COA1: variants seen among roughly 807,000 people sequenced by gnomAD.
The protein encoded by COA1 is cytochrome c oxidase assembly factor 1 homolog.
In COA1, 13 loss-of-function variants were observed where a neutral mutation model predicts 16.0. The ratio of observed to expected loss-of-function variants is 0.81; its 90% CI spans 0.53 to 1.29. COA1 has a LOEUF of 1.29. Among genes scored for constraint, COA1 ranks in the 50% most tolerant of loss-of-function variants. The pLI is 0.00. For missense variants in COA1, 179 were observed against 177.0 expected (o/e 1.01, Z -0.06); for synonymous variants, 65 against 65.7 (o/e 0.99, Z 0.05).
At chr7:43,683,377 A>C (rs914459161) in intron 1 of COA1, among the ~76,000 whole-genome samples, 4 of 152,152 alleles carry the variant, frequency 2.6e-5, no homozygotes, top group Non-Finnish European at 1.5e-5. Context: ...TCACGCCTGT[A>C]ATCGCAGCAC....
At chr7:43,645,443 A>T in intron 3 of COA1, 44 bp from the exon 4 acceptor site, 1 of 1,574,396 alleles carries the variant, frequency 6.4e-7, no homozygotes, top group Non-Finnish European at 8.7e-7. Flanking sequence ...GAACTTGGTC[A>T]GGTAGAATCT....
At chr7:43,640,154 T>A (rs998661061) in intron 5 of COA1, among the ~76,000 whole-genome samples, 1 of 152,216 alleles carries the variant, frequency 6.6e-6, no homozygotes, top group East Asian at 1.9e-4. Context: ...GATGTAGCTA[T>A]TGGCAACCAG....
chr7:43,617,643 C>T (rs947131549), intron 6 of COA1, among the ~76,000 whole-genome samples: 1 of 152,022 alleles, frequency 6.6e-6, no homozygotes, highest in Non-Finnish European at 1.5e-5. Context: ...ATTTGAGGTA[C>T]CTTTGAGACA....
At position 43,647,574 on chromosome 7, in the gene COA1, A is replaced by G. The variant is rs781176741; in HGVS notation, c.76T>C (p.Tyr26His). Residue 26 changes from tyrosine to histidine, a missense_variant, in exon 3 of 6, where the codon TAT (tyrosine) becomes CAT (histidine). Tyr to His is a moderately conservative substitution (Grantham distance 83). Coordinates refer to ENST00000223336, the MANE Select transcript of COA1 (RefSeq NM_018224.4). Reference sequence around the variant, plus strand: ...TACACAATGGCAAAGCCCCCGGCATAGAACACACCGTGGAAAAGGATCCTT... The same window carrying G: ...TACACAATGGCAAAGCCCCCGGCATGGAACACACCGTGGAAAAGGATCCTT... The part of the protein sequence containing the change: ...GARILFHGVF[Y>H]AGGFAIVYYL... 6.2e-7 allele frequency: 1 copy of G among 1,614,152 alleles called. No individual in the cohort carries two copies. Among genetic ancestry groups the G allele is most frequent in the Non-Finnish European group, 8.5e-7 (1 of 1,179,948 alleles).
rs191744528 is a variant in COA1 at position 43,726,383 on chromosome 7, G to A, written c.-39+3046C>T. Among the ~76,000 whole-genome samples the A allele has an allele frequency of 2.7e-3, 417 of 152,240 alleles. 1 individual carries two copies. The highest frequency in any genetic ancestry group is 9.3e-3 in the African/African-American group (387 of 41,516). On this transcript the variant is annotated intron_variant, in intron 1 of 5. Transcript: ENST00000223336. ...AATATCCTAAACTATTAGCCAGAAG[G>A]CTTTTAGAGGCAAAGTCCTGACTAC... is the stretch of plus-strand genomic sequence containing the variant.
At chr7:43,664,252 ATTACAGGC>A (rs1290383634) in intron 1 of COA1, among the ~76,000 whole-genome samples, 1 of 152,080 alleles carries the variant, frequency 6.6e-6, no homozygotes, top group Non-Finnish European at 1.5e-5. Flanking sequence ...AGTGGCTGGG[ATTACAGGC>A]ATGCAACACC....
At position 43,651,427 on chromosome 7, in the gene COA1, T is replaced by A. The variant is rs138040479; in HGVS notation, c.-38-2775A>T. Among the ~76,000 whole-genome samples, 1,367 of 152,290 alleles carry A rather than the reference T, an allele frequency of 9.0e-3. 14 individuals carry two copies. Among genetic ancestry groups the A allele is most frequent in the African/African-American group, 0.031 (1,303 of 41,552 alleles). ...TTGGCCTCCAAAGGCAAATAGTTTA[T>A]AAACCTTTTCCAAAGTACTAAACCC... On this transcript the variant is annotated intron_variant, in intron 1 of 5. Coordinates refer to ENST00000223336, the MANE Select transcript of COA1 (RefSeq NM_018224.4).
At chr7:43,610,864 C>G (rs1188242957) in intron 6 of COA1, among the ~76,000 whole-genome samples, 2 of 152,220 alleles carry the variant, frequency 1.3e-5, no homozygotes, top group African/African-American at 2.4e-5. Flanking sequence ...TGCCTGTAAT[C>G]CCAGCACTTT....
At position 43,640,577 on chromosome 7, in the gene COA1, G is replaced by T. The variant is rs1280419138; in HGVS notation, c.337C>A (p.Gln113Lys). ...GCCGTCACCTTCCCAGGATACCTCT[G>T]AAAGGGGCCACCTCTGGATGAGTGG... ...YVHSSRGGPFQRWHLDEVFLE... is the reference protein window; with the variant it reads ...YVHSSRGGPFKRWHLDEVFLE... The change falls in exon 5 of 6, where the codon CAG becomes AAG. Residue 113 changes from glutamine (Q) to lysine (K), a missense_variant. Physicochemically the swap from Gln to Lys is moderately conservative, Grantham distance 53 (BLOSUM62 1). Transcript: ENST00000223336. 2.5e-6 allele frequency: 4 copies of T among 1,604,042 alleles called. No individual in the cohort carries two copies. The African/African-American group carries it at 5.4e-5, about 22-fold the overall frequency.
At chr7:43,718,377 T>C (rs1259460252) in intron 1 of COA1, among the ~76,000 whole-genome samples, 2 of 152,250 alleles carry the variant, frequency 1.3e-5, no homozygotes, top group African/African-American at 4.8e-5. Context: ...CAGCATGTCC[T>C]GCTCTTGCTT....
chr7:43,692,944 G>T (rs1442187647), intron 1 of COA1, among the ~76,000 whole-genome samples: 1 of 152,056 alleles, frequency 6.6e-6, no homozygotes, highest in East Asian at 1.9e-4. Context: ...ATAATCACCT[G>T]GGAGTTTTTT....
In COA1 at chr7:43,700,527, C is replaced by CATATATAT. The variant is rs371169314; in HGVS notation, c.-39+28901_-39+28902insATATATAT. Among the ~76,000 whole-genome samples, 1,009 of 139,168 alleles carry CATATATAT rather than the reference C, an allele frequency of 7.3e-3. 9 individuals carry two copies. Among genetic ancestry groups the CATATATAT allele is most frequent in the Admixed American group, 0.015 (206 of 13,958 alleles). 91.3% of individuals were successfully genotyped at this position (139,168 alleles called of 152,430 possible). ...TAATCAGCTTTTATAAAAATGTAGGCAGATATATATATATATATATACATA... is the reference window on the plus strand; with the variant it reads ...TAATCAGCTTTTATAAAAATGTAGGCATATATATAGATATATATATATATATATACATA... On this transcript the variant is annotated intron_variant, in intron 1 of 5. Coordinates refer to ENST00000223336, the MANE Select transcript of COA1 (RefSeq NM_018224.4).
At chr7:43,682,979 G>A (rs1265951278) in intron 1 of COA1, among the ~76,000 whole-genome samples, 1 of 152,154 alleles carries the variant, frequency 6.6e-6, no homozygotes, top group East Asian at 1.9e-4. Flanking sequence ...CTCCTGAATA[G>A]CTGGGTTTAC....
In COA1 at chr7:43,647,568, C is replaced by G; in HGVS notation, c.82G>C (p.Gly28Arg). The G allele has an allele frequency of 2.5e-6, 4 of 1,613,942 alleles. No individual in the cohort carries two copies. The highest frequency in any genetic ancestry group is 3.4e-6 in the Non-Finnish European group (4 of 1,179,792). ...AGGTAATACACAATGGCAAAGCCCC[C>G]GGCATAGAACACACCGTGGAAAAGG... ...RILFHGVFYA[G>R]GFAIVYYLIQ... Residue 28 changes from glycine (G) to arginine (R), a missense_variant, in exon 3 of 6, where the codon GGG becomes CGG. Transcript: ENST00000223336.
intron 6 of COA1, among the ~76,000 whole-genome samples, chr7:43,627,954 A>T (rs1001381191): frequency 2.0e-5 from 3 of 152,188 alleles, no homozygotes; most frequent in Non-Finnish European, 2.9e-5. Context: ...GTCGATGCTT[A>T]TATCAGCAGT....
intron 6 of COA1, among the ~76,000 whole-genome samples, chr7:43,614,194 T>C: frequency 6.6e-6 from 1 of 152,296 alleles, no homozygotes; most frequent in African/African-American, 2.4e-5. Flanking sequence ...TCAGTAAACG[T>C]TAAATGGATT....
intron 1 of COA1, among the ~76,000 whole-genome samples, chr7:43,691,072 A>AAAAAAAAAAAAAAAAC (rs1563379693): frequency 9.5e-6 from 1 of 105,430 alleles, no homozygotes; most frequent in African/African-American, 4.2e-5. Flanking sequence ...AAAAAAAAAA[A>AAAAAAAAAAAAAAAAC]AAAAACAAAA....
chr7:43,672,437 C>T (rs1027139582), intron 1 of COA1, among the ~76,000 whole-genome samples: 1 of 152,172 alleles, frequency 6.6e-6, no homozygotes, highest in Non-Finnish European at 1.5e-5. Context: ...CATCCCCAAA[C>T]TCAAAGGCTT....
intron 1 of COA1, among the ~76,000 whole-genome samples, chr7:43,711,086 A>AC (rs1178916459): frequency 6.6e-6 from 1 of 151,978 alleles, no homozygotes; most frequent in Non-Finnish European, 1.5e-5. Flanking sequence ...ATCCCATCCC[A>AC]CATTTTTTAC....
Sources: allele counts gnomAD v4.1 joint callset (sites outside exome capture counted in the v4.1 genomes callset), GRCh38; gene constraint gnomAD v4.1.1; transcripts MANE v1.5; gene names NCBI Gene and HGNC (gene_info 2026-07-23, HGNC 2026-07-21).